Variants in TMPRSS9 observed in about 807,000 individuals in gnomAD.
The protein encoded by TMPRSS9 is transmembrane protease serine 9.
A neutral mutation model predicts 111.4 loss-of-function variants in TMPRSS9; 113 were observed. The observed-to-expected ratio is 1.01, with a 90% CI of 0.87 to 1.19. The LOEUF is 1.19. Ranked by LOEUF, TMPRSS9 falls within the 50% of genes most tolerant of loss-of-function variation. The probability of loss-of-function intolerance (pLI) is 0.00; values close to 1 mark genes in which losing one functional copy is unlikely to be tolerated. For synonymous variants in TMPRSS9, 805 were observed against 659.1 expected (o/e 1.22, Z -3.39); for missense variants, 1,803 against 1,513.1 (o/e 1.19, Z -3.18).
exon 17 of TMPRSS9, chr19:2,425,461 G>A (rs1355080957): frequency 1.9e-6 from 3 of 1,591,860 alleles, no homozygotes; most frequent in Non-Finnish European, 1.7e-6. Flanking sequence ...GCTGTGTGCC[G>A]GCTTCCCGCA....
chr19:2,412,414 GA>G (rs1568185288), intron 9 of TMPRSS9, among the ~76,000 whole-genome samples: 1 of 152,012 alleles, frequency 6.6e-6, no homozygotes, highest in African/African-American at 2.4e-5. Flanking sequence ...AAACAAAATT[GA>G]AAATTTAAAA....
At chr19:2,415,647 C>A in intron 10 of TMPRSS9, 23 bp from the exon 12 acceptor site, 1 of 1,553,310 alleles carries the variant, frequency 6.4e-7, no homozygotes, top group Non-Finnish European at 8.7e-7. Context: ...ATCCCCAGAC[C>A]TGGTCTTGTG....
upstream of TMPRSS9, among the ~76,000 whole-genome samples, chr19:2,389,211 T>C (rs568556639): frequency 3.5e-3 from 527 of 148,888 alleles, 6 homozygotes; most frequent in African/African-American, 0.013. Context: ...GTAGCTGGGA[T>C]TACAGGCGCC....
rs538967981 is a variant in TMPRSS9, at chr19:2,408,548, G to C, written c.1035G>C (p.Val345=). ...CTTTCGGCCGGCACATCCAGCCCGT[G>C]TGCCTCCCGGCTGCCACACACATCT... The change falls in exon 8 of 18, where the codon GTG becomes GTC. Residue 345 remains valine, a synonymous_variant. Transcript: ENST00000648592. The C allele has an allele frequency of 3.7e-6, 6 of 1,613,678 alleles. No homozygotes were observed. In the African/African-American group the frequency reaches 8.0e-5, roughly 22 times the overall value.
chr19:2,405,344 G>A (rs767455017), intron 6 of TMPRSS9, 30 bp from the exon 8 acceptor site: 13 of 1,569,296 alleles, frequency 8.3e-6, no homozygotes. Context: ...GCCTTCGTGG[G>A]GTCATGGCTG....
chr19:2,379,623 TTCTTTCTTTCTTTC>T (rs1555676540), intron 1 of TMPRSS9, among the ~76,000 whole-genome samples: 1 of 130,150 alleles, frequency 7.7e-6, no homozygotes, highest in African/African-American at 3.1e-5. Flanking sequence ...TTCTCTTTCT[TTCTTTCTTTCTTTC>T]TTTCTTTCTT....
intron 1 of TMPRSS9, among the ~76,000 whole-genome samples, chr19:2,361,668 G>C (rs943582491): frequency 2.6e-5 from 4 of 152,186 alleles, no homozygotes; most frequent in Non-Finnish European, 5.9e-5. Flanking sequence ...CCCCAGGACA[G>C]GCGTCCGTGC....
intron 13 of TMPRSS9, among the ~76,000 whole-genome samples, chr19:2,419,426 TC>T (rs1347606203): frequency 2.7e-5 from 4 of 150,140 alleles, no homozygotes; most frequent in Non-Finnish European, 5.9e-5. Context: ...ATGGTCTCGA[TC>T]TCCTGATGTC....
intron 1 of TMPRSS9, among the ~76,000 whole-genome samples, chr19:2,390,482 A>G (rs1319442069): frequency 6.8e-6 from 1 of 148,110 alleles, no homozygotes; most frequent in African/African-American, 2.4e-5. Context: ...TGACCTCATG[A>G]TCCGCCCGCC....
chr19:2,406,748 T>C (rs1392737029), intron 7 of TMPRSS9, among the ~76,000 whole-genome samples: 2 of 151,990 alleles, frequency 1.3e-5, no homozygotes, highest in Admixed American at 6.6e-5. Context: ...TTTTGCTCAT[T>C]GTGGACATTT....
chr19:2,423,821 C>T (rs1246392770), intron 14 of TMPRSS9, among the ~76,000 whole-genome samples: 1 of 152,108 alleles, frequency 6.6e-6, no homozygotes, highest in Non-Finnish European at 1.5e-5. Flanking sequence ...GGGAGGCTGC[C>T]ATGAGAGGGG....
intron 9 of TMPRSS9, among the ~76,000 whole-genome samples, chr19:2,412,899 G>T (rs1250305747): frequency 1.3e-5 from 2 of 152,078 alleles, no homozygotes; most frequent in Non-Finnish European, 2.9e-5. Flanking sequence ...TCATGTTTAA[G>T]AATGTAAGAG....
chr19:2,395,730 G>A (rs966377025), intron 1 of TMPRSS9, among the ~76,000 whole-genome samples: 1 of 151,788 alleles, frequency 6.6e-6, no homozygotes, highest in African/African-American at 2.4e-5. Context: ...CAAACAGGCC[G>A]GGTGTGGTGG....
chr19:2,418,303 C>CCTTTTCCTTCCCTCCTTTT, intron 13 of TMPRSS9, among the ~76,000 whole-genome samples, 165 bp downstream of exon 14: 1 of 57,320 alleles, frequency 1.7e-5, no homozygotes, highest in South Asian at 6.6e-4. Context: ...TTCCTTCCCT[C>CCTTTTCCTTCCCTCCTTTT]CCTTTCCCTC....
chr19:2,389,705 AGAG>A (rs1327142823), upstream of TMPRSS9: 1 of 1,500,814 alleles, frequency 6.7e-7, no homozygotes, highest in Non-Finnish European at 9.0e-7. Context: ...GCTTATGGGA[AGAG>A]AAGCACCTTC....
chr19:2,401,079 C>A (rs1288247312), intron 4 of TMPRSS9, among the ~76,000 whole-genome samples: 1 of 150,710 alleles, frequency 6.6e-6, no homozygotes, highest in Non-Finnish European at 1.5e-5. Flanking sequence ...TCGAGACCAT[C>A]CTGGCTAACA....
chr19:2,372,976 C>T (rs114391551), intron 1 of TMPRSS9, among the ~76,000 whole-genome samples: 2,116 of 152,134 alleles, frequency 0.014, 54 homozygotes, highest in African/African-American at 0.048. Flanking sequence ...GAACCACAGG[C>T]GTGCACCACC....
chr19:2,389,643 C>G, upstream of TMPRSS9: 3 of 968,298 alleles, frequency 3.1e-6, no homozygotes, highest in African/African-American at 3.3e-5. Flanking sequence ...GCTGGGATGA[C>G]AGGCGTGAGC....
chr19:2,414,612 G>C (rs979634434), intron 10 of TMPRSS9, among the ~76,000 whole-genome samples: 5 of 151,738 alleles, frequency 3.3e-5, no homozygotes, highest in Non-Finnish European at 5.9e-5. Flanking sequence ...GCGGTGGCTC[G>C]TGCCTGTCAT....
Sources: allele counts gnomAD v4.1 joint callset (sites outside exome capture counted in the v4.1 genomes callset), GRCh38; gene constraint gnomAD v4.1.1; transcripts MANE v1.5; gene names NCBI Gene and HGNC (gene_info 2026-07-23, HGNC 2026-07-21).